Variants in KRT6B observed in about 807,000 individuals in gnomAD.
KRT6B encodes keratin 6B.
Under a neutral mutation model 44.7 loss-of-function variants are expected in KRT6B, and 29 were observed. That is an observed-to-expected ratio of 0.65 (90% CI 0.48 to 0.88). The LOEUF (loss-of-function observed/expected upper bound fraction) is 0.88. KRT6B is among the 40% of genes least tolerant of loss of function. The pLI is 0.00. For synonymous variants in KRT6B, 213 were observed against 296.0 expected, an observed-to-expected ratio of 0.72 and a Z score of 2.88; for missense variants, 600 against 724.0, an observed-to-expected ratio of 0.83 and a Z score of 1.97.
At position 52,451,921 on chromosome 12, in the gene KRT6B, C is replaced by CCT. The variant is rs1940411668; in HGVS notation, c.156_157dup (p.Gly53GlufsTer94). The stretch of plus-strand genomic sequence containing the variant: ...CAGACTGCGGCTGCCAAAGCCAGCT[C>CCT]CTCCACATGCGCCACCCAGGCCACC... On this transcript the variant is annotated frameshift_variant, in exon 1 of 9. Coordinates refer to ENST00000252252, the MANE Select transcript of KRT6B (RefSeq NM_005555.4). LOFTEE classifies it high-confidence loss of function. 6.2e-7 allele frequency: 1 copy of CCT among 1,612,888 alleles called. No homozygotes were observed. Among genetic ancestry groups the CCT allele is most frequent in the South Asian group, 1.1e-5 (1 of 91,032 alleles).
In KRT6B at chr12:52,448,881, G is replaced by T. The variant is rs1253380625; in HGVS notation, c.1164C>A (p.Ile388=). 2 of 1,614,018 alleles carry T rather than the reference G, an allele frequency of 1.2e-6. No homozygotes were observed. The highest frequency in any genetic ancestry group is 4.5e-5 in the East Asian group (2 of 44,870). The change falls in exon 6 of 9, where the codon ATC becomes ATA. Residue 388 remains isoleucine (I), a synonymous_variant. Transcript: ENST00000252252. ...KQEIAEINRM[I]QRLRSEIDHV... ...GGTCGATCTCAGATCTCAGCCTCTG[G>T]ATCATGCGGTTGATCTCAGCAATCT...
Position 52,448,017 on chromosome 12 carries a change from A to G in KRT6B, c.1204-19T>C, listed in dbSNP as rs1167813413. Reference sequence around the variant, plus strand: ...TGGCACACTAGGAGGGCAAAGGAAGAGAAAGAACTTGTCATCTGGTCTTCC... The same window carrying G: ...TGGCACACTAGGAGGGCAAAGGAAGGGAAAGAACTTGTCATCTGGTCTTCC... On this transcript the variant is annotated intron_variant, in intron 6 of 8. Coordinates refer to ENST00000252252, the MANE Select transcript of KRT6B (RefSeq NM_005555.4). 1.2e-6 allele frequency: 2 copies of G among 1,614,012 alleles called. No individual in the cohort carries two copies. Among genetic ancestry groups the G allele is most frequent in the Admixed American group, 3.3e-5 (2 of 59,986 alleles).
Position 52,450,533 on chromosome 12 carries a change from G to C in KRT6B, c.628C>G (p.Leu210Val), listed in dbSNP as rs1474910879. The C allele has an allele frequency of 2.5e-6, 4 of 1,614,116 alleles. No individual in the cohort carries two copies. The highest frequency in any genetic ancestry group is 1.7e-5 in the Admixed American group (1 of 60,014). Residue 210 changes from leucine to valine, a missense_variant, in exon 2 of 9, where the codon CTG becomes GTG. By Grantham distance (32) the Leu-to-Val change is conservative. Around this residue, in one of 4 missense-constraint regions of KRT6B, gnomAD observed 479 missense variants for 454.2 expected, o/e 1.05. Transcript: ENST00000252252. ...EQGTKTVRQN[L>V]EPLFEQYINN... ...ATGTACTGCTCGAACAACGGCTCCA[G>C]GTTCTGCCTCACAGTCTTGGTGCCC...
chr12:52,451,056 A>G (rs1443445497), intron 1 of KRT6B, among the ~76,000 whole-genome samples: 1 of 151,902 alleles, frequency 6.6e-6, no homozygotes, highest in African/African-American at 2.4e-5. Context: ...TTCTGATGTT[A>G]TGGTCATTCT....
Position 52,447,153 on chromosome 12 carries a change from C to A in KRT6B, c.*37G>T. ...AGAGGGCTCTGCTGCCAGAGAGGGG[C>A]CTGAGAGCTGTGGGACTGAGAGCTG... On this transcript the variant is annotated 3_prime_UTR_variant, in exon 9 of 9. Coordinates refer to ENST00000252252, the MANE Select transcript of KRT6B (RefSeq NM_005555.4). 6.2e-7 allele frequency: 1 copy of A among 1,612,256 alleles called. No individual in the cohort carries two copies. Among genetic ancestry groups the A allele is most frequent in the Non-Finnish European group, 8.5e-7 (1 of 1,179,224 alleles).
rs1940323268 is a variant in KRT6B, at chr12:52,447,188, C to T, written c.*2G>A. The T allele has an allele frequency of 1.9e-6, 3 of 1,613,930 alleles. No individual in the cohort carries two copies. In the South Asian group the frequency reaches 3.3e-5, roughly 18 times the overall value. On this transcript the variant is annotated 3_prime_UTR_variant, in exon 9 of 9. Transcript: ENST00000252252. Reference sequence around the variant, plus strand: ...GTGGGACTGAGAGCTGGCGGCAGCACTTCAGTGCTTGTAGCTCTTCCTGCT... The same window carrying T: ...GTGGGACTGAGAGCTGGCGGCAGCATTTCAGTGCTTGTAGCTCTTCCTGCT...
In KRT6B at chr12:52,447,588, A is replaced by G; in HGVS notation, c.1425-15T>C. On this transcript the variant is annotated splice_polypyrimidine_tract_variant and intron_variant, in intron 7 of 8. Coordinates refer to ENST00000252252, the MANE Select transcript of KRT6B (RefSeq NM_005555.4). ...CGCCATTCAGCCTGTGGAGAGGAAC[A>G]CAGGGAGGGTGAGACCTTCCCTGGA... 6.2e-7 allele frequency: 1 copy of G among 1,614,024 alleles called. No individual in the cohort carries two copies. Among genetic ancestry groups the G allele is most frequent in the Admixed American group, 1.7e-5 (1 of 60,020 alleles).
At chr12:52,447,694 G>A in intron 7 of KRT6B, 84 bp downstream of exon 7, 1 of 1,613,914 alleles carries the variant, frequency 6.2e-7, no homozygotes, top group Non-Finnish European at 8.5e-7. Flanking sequence ...TTATGGCCTT[G>A]GGCAGTGCAC....
At position 52,447,162 on chromosome 12, in the gene KRT6B, T is replaced by G. The variant is rs549184060; in HGVS notation, c.*28A>C. On this transcript the variant is annotated 3_prime_UTR_variant, in exon 9 of 9. Transcript: ENST00000252252. ...TGCTGCCAGAGAGGGGCCTGAGAGC[T>G]GTGGGACTGAGAGCTGGCGGCAGCA... The G allele has an allele frequency of 6.2e-7, 1 of 1,613,240 alleles. No individual in the cohort carries two copies.
chr12:52,449,324 A>G (rs1940360547), intron 5 of KRT6B, 145 bp downstream of exon 5: 2 of 1,333,872 alleles, frequency 1.5e-6, no homozygotes, highest in Non-Finnish European at 2.1e-6. Flanking sequence ...AAGTTCCGCA[A>G]ATGTCTACTC....
chr12:52,449,325 A>C lies in KRT6B; in HGVS notation c.1077+144T>G. On this transcript the variant is annotated intron_variant, in intron 5 of 8. Coordinates refer to ENST00000252252, the MANE Select transcript of KRT6B (RefSeq NM_005555.4). ...CTTGACTTGGGCATAAGTTCCGCAA[A>C]TGTCTACTCTAATAGTGCAGAGTGC... 7 of 1,333,726 alleles carry C rather than the reference A, an allele frequency of 5.2e-6. No homozygotes were observed. The South Asian group carries it at 8.4e-5, about 16-fold the overall frequency. 82.6% of individuals were successfully genotyped at this position (1,333,726 alleles called of 1,614,324 possible).
chr12:52,451,488 T>A, intron 1 of KRT6B, 51 bp downstream of exon 1: 1 of 1,613,320 alleles, frequency 6.2e-7, no homozygotes, highest in Non-Finnish European at 8.5e-7. Flanking sequence ...GTGTTGCTCT[T>A]CTGGTCTGGG....
Position 52,450,441 on chromosome 12 carries a change from T to C in KRT6B, c.720A>G (p.Arg240=). ...GERGRLDSEL[R]NMQDLVEDLK... is the part of the protein sequence containing the mutation. The stretch of plus-strand genomic sequence containing the variant: ...GGTCCTCCACCAGGTCCTGCATGTT[T>C]CTCAGCTCCGAGTCCAGACGACCCC... Residue 240 remains arginine, a synonymous_variant, in exon 2 of 9, where the codon AGA becomes AGG. Coordinates refer to ENST00000252252, the MANE Select transcript of KRT6B (RefSeq NM_005555.4). 6.2e-7 allele frequency: 1 copy of C among 1,614,236 alleles called. No individual in the cohort carries two copies. The highest frequency in any genetic ancestry group is 1.1e-5 in the South Asian group (1 of 91,084).
intron 1 of KRT6B, 27 bp downstream of exon 1, chr12:52,451,512 C>T (rs778073637): frequency 5.6e-6 from 9 of 1,613,528 alleles, no homozygotes; most frequent in Admixed American, 5.0e-5. Context: ...CCTGAAGTGC[C>T]CGATGGAGGG....
At position 52,447,177 on chromosome 12, in the gene KRT6B, T is replaced by TG. The variant is rs758927616; in HGVS notation, c.*12dup. On this transcript the variant is annotated 3_prime_UTR_variant, in exon 9 of 9. Coordinates refer to ENST00000252252, the MANE Select transcript of KRT6B (RefSeq NM_005555.4). Reference sequence around the variant, plus strand: ...GCCTGAGAGCTGTGGGACTGAGAGCTGGCGGCAGCACTTCAGTGCTTGTAG... The same window carrying TG: ...GCCTGAGAGCTGTGGGACTGAGAGCTGGGCGGCAGCACTTCAGTGCTTGTAG... 5 of 1,613,830 alleles carry TG rather than the reference T, an allele frequency of 3.1e-6. No individual in the cohort carries two copies. The Admixed American group carries it at 6.7e-5, about 22-fold the overall frequency.
intron 6 of KRT6B, 87 bp from the exon 7 acceptor site, chr12:52,448,085 C>G: frequency 1.3e-6 from 2 of 1,543,698 alleles, no homozygotes; most frequent in Non-Finnish European, 1.8e-6. Context: ...GTGAAGAAGG[C>G]ACCAGGAACC....
rs1238611853 is a variant in KRT6B at position 52,449,558 on chromosome 12, G to C, written c.988C>G (p.Leu330Val). 6.2e-7 allele frequency: 1 copy of C among 1,614,188 alleles called. No individual in the cohort carries two copies. The highest frequency in any genetic ancestry group is 8.5e-7 in the Non-Finnish European group (1 of 1,180,034). Residue 330 changes from leucine to valine, a missense_variant, in exon 5 of 9, where the codon CTG becomes GTG. Physicochemically the swap from Leu to Val is conservative, Grantham distance 32 (BLOSUM62 1). Coordinates refer to ENST00000252252, the MANE Select transcript of KRT6B (RefSeq NM_005555.4). ...LSMDNNRNLD[L>V]DSIIAEVKAQ... ...TTGACCTCAGCGATGATGCTGTCCA[G>C]GTCCAGGTTGCGGTTGTTGTCCATG...
chr12:52,450,377 G>C, intron 2 of KRT6B, 29 bp downstream of exon 2: 1 of 1,604,788 alleles, frequency 6.2e-7, no homozygotes, highest in Non-Finnish European at 8.5e-7. Context: ...TAGTCTTGAA[G>C]TGTGTGCTGC....
chr12:52,451,511 C>A (rs1193610219), intron 1 of KRT6B, 28 bp downstream of exon 1: 1 of 1,613,530 alleles, frequency 6.2e-7, no homozygotes, highest in South Asian at 1.1e-5. Flanking sequence ...CCCTGAAGTG[C>A]CCGATGGAGG....
Sources: gnomAD v4.1 joint callset for allele counts (sites outside exome capture counted in the v4.1 genomes callset) on GRCh38, gnomAD v4.1.1 for gene constraint, gnomAD v4.1.1 regional missense constraint, MANE v1.5 for transcripts, NCBI Gene and HGNC (gene_info 2026-07-23, HGNC 2026-07-21) for gene names.